Variants in ANK2 observed in about 807,000 individuals in gnomAD.
ANK2 encodes the protein ankyrin-2.
In ANK2, 83 loss-of-function variants were observed where a neutral mutation model predicts 360.5. That is an observed-to-expected ratio of 0.23 (90% CI 0.19 to 0.28). The LOEUF (loss-of-function observed/expected upper bound fraction) is 0.28. Ranked by LOEUF, ANK2 falls within the 10% of genes least tolerant of loss-of-function variation. The pLI, the probability that ANK2 is intolerant of heterozygous loss-of-function variation, is 1.00. For synonymous variants in ANK2, 1,740 were observed against 1,759.5 expected, an observed-to-expected ratio of 0.99 and a Z score of 0.28; for missense variants, 4,201 against 4,795.7, an observed-to-expected ratio of 0.88 and a Z score of 3.66.
Position 113,353,709 on chromosome 4 carries a change from C to G in ANK2, c.5091C>G (p.Ser1697Arg), listed in dbSNP as rs1489702840. 1 of 1,613,708 alleles carries G rather than the reference C, an allele frequency of 6.2e-7. No homozygotes were observed. Among genetic ancestry groups the G allele is most frequent in the East Asian group, 2.2e-5 (1 of 44,860 alleles). ...TQSTQKQHKP[S>R]LGIKKPVRRK... is the part of the protein sequence containing the mutation. Reference sequence around the variant, plus strand: ...GTACACAGAAACAGCACAAACCAAGCTTGGGAATAAAGAAGCCAGTAAGAA... The same window carrying G: ...GTACACAGAAACAGCACAAACCAAGGTTGGGAATAAAGAAGCCAGTAAGAA... The change falls in exon 38 of 46, where the codon AGC becomes AGG. Residue 1697 changes from serine to arginine, a missense_variant. This residue lies in a region of ANK2 where 2,642 missense variants were observed against 2,714.5 expected (regional missense o/e 0.97). Transcript: ENST00000357077.
chr4:113,025,692 C>T (rs1470897801), intron 2 of ANK2, among the ~76,000 whole-genome samples: 1 of 152,042 alleles, frequency 6.6e-6, no homozygotes, highest in African/African-American at 2.4e-5. Context: ...TAATGAGTAC[C>T]TCTCTCTTTT....
chr4:112,767,597 T>TA, the ANK2 span, among the ~76,000 whole-genome samples: 2 of 147,984 alleles, frequency 1.4e-5, no homozygotes, highest in South Asian at 2.1e-4. Flanking sequence ...AATAAATAAA[T>TA]AATAAAACAT....
rs968336802 is a variant in ANK2 at position 112,864,641 on chromosome 4, G to T, written c.-39-39814G>T. Among the ~76,000 whole-genome samples, 10 of 151,992 alleles carry T rather than the reference G, an allele frequency of 6.6e-5. No individual in the cohort carries two copies. The East Asian group carries it at 1.8e-3, about 27-fold the overall frequency. On this transcript the variant is annotated intron_variant, in intron 1 of 30. Coordinates refer to the ANK2 transcript ENST00000503271. ...GATTTTTAAAGTATTTTAAAAAAAC[G>T]TTTACTTGGTCAAAGGTGATTCATT...
At chr4:113,073,252 G>C (rs893029137) in intron 1 of ANK2, among the ~76,000 whole-genome samples, 10 of 152,066 alleles carry the variant, frequency 6.6e-5, no homozygotes, top group African/African-American at 2.4e-4. Flanking sequence ...CACCGTGTCT[G>C]GCTGAGGGAC....
At chr4:113,023,720 T>C (rs1017527999) in intron 2 of ANK2, among the ~76,000 whole-genome samples, 1 of 152,230 alleles carries the variant, frequency 6.6e-6, no homozygotes, top group Non-Finnish European at 1.5e-5. Flanking sequence ...ATAGGCTGTA[T>C]GACAGCGGGG....
At chr4:113,333,462 T>A (rs2092935948) in intron 29 of ANK2, among the ~76,000 whole-genome samples, 1 of 152,152 alleles carries the variant, frequency 6.6e-6, no homozygotes. Flanking sequence ...ATATCAAACA[T>A]CTCATTAAAG....
the ANK2 span, among the ~76,000 whole-genome samples, chr4:112,795,786 GC>G: frequency 3.4e-4 from 50 of 147,344 alleles, no homozygotes; most frequent in African/African-American, 1.2e-3. Context: ...ACAGGCGTGA[GC>G]CACTGTGCCC....
chr4:112,799,210 T>A, the ANK2 span, among the ~76,000 whole-genome samples: 81,931 of 152,072 alleles, frequency 0.54, 22,749 homozygotes, highest in East Asian at 0.88. Flanking sequence ...TGTTTTATCT[T>A]TTTGCCCATT....
chr4:113,215,066 G>A (rs1207025673), intron 4 of ANK2, among the ~76,000 whole-genome samples: 1 of 151,968 alleles, frequency 6.6e-6, no homozygotes, highest in African/African-American at 2.4e-5. Context: ...TTAACTGGAA[G>A]ACATGAATAG....
At chr4:113,081,093 C>T (rs2082230400) in intron 1 of ANK2, among the ~76,000 whole-genome samples, 1 of 152,072 alleles carries the variant, frequency 6.6e-6, no homozygotes, top group South Asian at 2.1e-4. Context: ...CTCCAGAAAT[C>T]GATCATTTTG....
In ANK2 at chr4:113,237,058, T is replaced by G. The variant is rs780370907; in HGVS notation, c.555T>G (p.Asn185Lys). The change falls in exon 6 of 46, where the codon AAT becomes AAG. Residue 185 changes from asparagine to lysine, a missense_variant. Coordinates refer to ENST00000357077, the MANE Select transcript of ANK2 (RefSeq NM_001148.6). ...HNQAVAILLE[N>K]DTKGKVRLPA... ...AGGCGGTGGCCATCCTCTTGGAGAA[T>G]GACACCAAAGGGAAAGTGAGGCTGC... is the stretch of plus-strand genomic sequence containing the variant. 1 of 1,614,062 alleles carries G rather than the reference T, an allele frequency of 6.2e-7. No individual in the cohort carries two copies. Among genetic ancestry groups the G allele is most frequent in the Non-Finnish European group, 8.5e-7 (1 of 1,180,032 alleles).
chr4:113,323,130 A>T (rs1299894036), intron 26 of ANK2, among the ~76,000 whole-genome samples: 1 of 152,128 alleles, frequency 6.6e-6, no homozygotes, highest in Admixed American at 6.5e-5. Flanking sequence ...TAGAACTATA[A>T]TGTGGGATTA....
At chr4:113,270,943 A>T (rs904249170) in intron 14 of ANK2, among the ~76,000 whole-genome samples, 1 of 152,188 alleles carries the variant, frequency 6.6e-6, no homozygotes, top group African/African-American at 2.4e-5. Context: ...TAACATTTGA[A>T]CAGTGCTTTA....
At chr4:112,724,804 G>A in the ANK2 span, among the ~76,000 whole-genome samples, 2 of 152,120 alleles carry the variant, frequency 1.3e-5, no homozygotes, top group Non-Finnish European at 2.9e-5. Context: ...CACTTCTAGA[G>A]GGATAAATAT....
chr4:112,898,219 C>T (rs1055510677), intron 1 of ANK2, among the ~76,000 whole-genome samples: 4 of 152,036 alleles, frequency 2.6e-5, no homozygotes, highest in Non-Finnish European at 5.9e-5. Flanking sequence ...ATAAAGTTAT[C>T]GTGTTATTAT....
At chr4:113,290,426 A>G (rs963598575) in intron 20 of ANK2, among the ~76,000 whole-genome samples, 5 of 152,178 alleles carry the variant, frequency 3.3e-5, no homozygotes, top group African/African-American at 9.6e-5. Flanking sequence ...GTAAACTCTC[A>G]TGATGTGGTA....
intron 4 of ANK2, among the ~76,000 whole-genome samples, chr4:113,231,805 T>C (rs1304896693): frequency 6.6e-6 from 1 of 152,028 alleles, no homozygotes; most frequent in Non-Finnish European, 1.5e-5. Context: ...GGTTTCACCA[T>C]TGTCCAGGCA....
At chr4:112,768,662 C>T in the ANK2 span, among the ~76,000 whole-genome samples, 1 of 151,964 alleles carries the variant, frequency 6.6e-6, no homozygotes, top group South Asian at 2.1e-4. Context: ...TTGCTCTTGA[C>T]AAAACAAACA....
intron 2 of ANK2, among the ~76,000 whole-genome samples, chr4:112,975,945 CAGAA>C (rs879911145): frequency 2.6e-5 from 4 of 152,086 alleles, no homozygotes; most frequent in East Asian, 1.9e-4. Flanking sequence ...TGTTCTTACT[CAGAA>C]AGCCTCAGTT....
Sources: gnomAD v4.1 joint callset for allele counts (sites outside exome capture counted in the v4.1 genomes callset) on GRCh38, gnomAD v4.1.1 for gene constraint, gnomAD v4.1.1 regional missense constraint, MANE v1.5 for transcripts, NCBI Gene and HGNC (gene_info 2026-07-23, HGNC 2026-07-21) for gene names.